Variants in ZBTB43 observed in about 807,000 individuals in gnomAD.
The protein encoded by ZBTB43 is zinc finger and BTB domain containing 43, also known as zinc finger and BTB domain-containing protein 43.
In ZBTB43, 6 loss-of-function variants were observed where a neutral mutation model predicts 31.1. That is an observed-to-expected ratio of 0.19 (90% CI 0.11 to 0.38). The LOEUF (loss-of-function observed/expected upper bound fraction) is 0.38, where lower values mean the gene tolerates loss of function less well. ZBTB43 is among the 10% of genes least tolerant of loss of function. The probability of loss-of-function intolerance (pLI) is 1.00; values close to 1 mark genes in which losing one functional copy is unlikely to be tolerated. For missense variants in ZBTB43, 379 were observed against 602.1 expected, an observed-to-expected ratio of 0.63 and a Z score of 3.88; for synonymous variants, 212 against 221.7, an observed-to-expected ratio of 0.96 and a Z score of 0.39.
At chr9:126,820,616 C>G (rs1334692866) in intron 2 of ZBTB43, among the ~76,000 whole-genome samples, 2 of 152,122 alleles carry the variant, frequency 1.3e-5, no homozygotes, top group East Asian at 3.8e-4. Context: ...AATACAACAT[C>G]CATTCTGCAG....
intron 2 of ZBTB43, among the ~76,000 whole-genome samples, chr9:126,817,399 C>A (rs938433312): frequency 4.6e-5 from 7 of 151,996 alleles, no homozygotes; most frequent in African/African-American, 1.5e-4. Context: ...GCATGAGCCA[C>A]CATGCCCGGC....
At chr9:126,817,645 A>G (rs370394614) in intron 2 of ZBTB43, among the ~76,000 whole-genome samples, 11 of 150,960 alleles carry the variant, frequency 7.3e-5, no homozygotes, top group African/African-American at 2.4e-4. Context: ...CCGGCTAATT[A>G]TTTTATATTT....
intron 1 of ZBTB43, among the ~76,000 whole-genome samples, chr9:126,805,808 G>T (rs1376324265): frequency 2.0e-5 from 3 of 152,152 alleles, no homozygotes; most frequent in Non-Finnish European, 2.9e-5. Flanking sequence ...CCATCTGTCT[G>T]TTTCTCTCTT....
rs575753623 is a variant in ZBTB43, at chr9:126,817,963, A to G, written c.-24+9048A>G. 3.3e-5 allele frequency among the ~76,000 whole-genome samples: 5 copies of G among 152,280 alleles called. No homozygotes were observed. The South Asian group carries it at 1.0e-3, about 32-fold the overall frequency. On this transcript the variant is annotated intron_variant, in intron 2 of 2. Coordinates refer to ENST00000373464, the MANE Select transcript of ZBTB43 (RefSeq NM_014007.4). ...CCATATTCACCCAAAGTTAAGGGCAAGGATTTTTGATAGGGCTTGGTTTGA... is the reference window on the plus strand; with the variant it reads ...CCATATTCACCCAAAGTTAAGGGCAGGGATTTTTGATAGGGCTTGGTTTGA...
chr9:126,819,144 G>A (rs192072266), intron 2 of ZBTB43, among the ~76,000 whole-genome samples: 1 of 152,156 alleles, frequency 6.6e-6, no homozygotes, highest in Admixed American at 6.5e-5. Flanking sequence ...TTTTTAAAAA[G>A]ACTCAGTCTT....
intron 2 of ZBTB43, among the ~76,000 whole-genome samples, chr9:126,815,049 G>T (rs1055544755): frequency 6.6e-6 from 1 of 151,450 alleles, no homozygotes; most frequent in Non-Finnish European, 1.5e-5. Flanking sequence ...CCTTGCTGTA[G>T]TTTTTTTCAT....
At chr9:126,804,089 AAG>A (rs2032072364), upstream of ZBTB43, among the ~76,000 whole-genome samples, 1 of 152,154 alleles carries the variant, frequency 6.6e-6, no homozygotes, top group South Asian at 2.1e-4. Context: ...TTCTTCTACA[AAG>A]AGGGCACTTG....
At chr9:126,816,113 AT>A (rs1421572049) in intron 2 of ZBTB43, among the ~76,000 whole-genome samples, 3 of 152,088 alleles carry the variant, frequency 2.0e-5, no homozygotes, top group African/African-American at 7.2e-5. Flanking sequence ...CTTCAATTAA[AT>A]TTATTTTTTA....
chr9:126,810,020 A>G (rs978255143), intron 2 of ZBTB43, among the ~76,000 whole-genome samples: 1 of 151,966 alleles, frequency 6.6e-6, no homozygotes, highest in Non-Finnish European at 1.5e-5. Flanking sequence ...TATTTTTAGT[A>G]GAGATGGGGT....
chr9:126,815,384 T>C (rs2032361169), intron 2 of ZBTB43, among the ~76,000 whole-genome samples: 1 of 148,230 alleles, frequency 6.7e-6, no homozygotes, highest in South Asian at 2.1e-4. Context: ...AGTTTTCATG[T>C]GTCTGATAGC....
At chr9:126,806,212 T>C (rs1051868912) in intron 1 of ZBTB43, among the ~76,000 whole-genome samples, 3 of 152,180 alleles carry the variant, frequency 2.0e-5, no homozygotes, top group Non-Finnish European at 4.4e-5. Context: ...GTCTACAGGC[T>C]AAGAAAGGAT....
At chr9:126,827,572 A>G (rs1275102541) in intron 2 of ZBTB43, among the ~76,000 whole-genome samples, 1 of 152,104 alleles carries the variant, frequency 6.6e-6, no homozygotes, top group East Asian at 1.9e-4. Flanking sequence ...TGAAATCGTG[A>G]TTTTGATCAT....
intron 2 of ZBTB43, among the ~76,000 whole-genome samples, chr9:126,828,663 T>C (rs1251977785): frequency 6.9e-6 from 1 of 145,908 alleles, no homozygotes; most frequent in East Asian, 2.0e-4. Flanking sequence ...TAATTATTAT[T>C]ATTATTATTA....
intron 2 of ZBTB43, among the ~76,000 whole-genome samples, chr9:126,809,118 TA>T (rs1162424742): frequency 2.0e-5 from 3 of 152,250 alleles, no homozygotes; most frequent in Admixed American, 6.5e-5. Context: ...TAATGTCAGA[TA>T]AATTTTTCTG....
At chr9:126,829,780 A>T (rs1375489033) in intron 2 of ZBTB43, among the ~76,000 whole-genome samples, 1 of 152,186 alleles carries the variant, frequency 6.6e-6, no homozygotes, top group African/African-American at 2.4e-5. Context: ...GCTAAAAGCA[A>T]AATTCTACAG....
chr9:126,824,882 G>T (rs1028795404), intron 2 of ZBTB43, among the ~76,000 whole-genome samples: 1 of 152,032 alleles, frequency 6.6e-6, no homozygotes, highest in Admixed American at 6.6e-5. Context: ...TCTACTTCTG[G>T]AACTCCCATG....
chr9:126,805,055 G>C lies in ZBTB43; in HGVS notation c.-224G>C, dbSNP rs982853343. 5.9e-5 allele frequency: 9 copies of C among 152,452 alleles called. No homozygotes were observed. The highest frequency in any genetic ancestry group is 2.2e-4 in the African/African-American group (9 of 41,486). 9.4% of individuals were successfully genotyped at this position (152,452 alleles called of 1,614,324 possible). A position where few individuals can be genotyped will look rare whatever the true frequency, so the allele number is the denominator to read the frequency against. ...GGCACAGGCTGAATCTGTTGCGGCA[G>C]CTGAGGCTACAACAGGCCTGCGCCG... On this transcript the variant is annotated 5_prime_UTR_variant, in exon 1 of 3. Transcript: ENST00000373464.
Position 126,833,063 on chromosome 9 carries a change from T to C in ZBTB43, c.554T>C (p.Leu185Pro). 6.2e-7 allele frequency: 1 copy of C among 1,614,010 alleles called. No individual in the cohort carries two copies. The highest frequency in any genetic ancestry group is 1.1e-5 in the South Asian group (1 of 91,078). Residue 185 changes from leucine to proline, a missense_variant, in exon 3 of 3, where the codon CTG becomes CCG. Coordinates refer to ENST00000373464, the MANE Select transcript of ZBTB43 (RefSeq NM_014007.4). This position sits in a 1 kb window ranked among gnomAD's most constrained non-coding sequence, Gnocchi z 7.9. ...ENEEESTKDE[L>P]SSQLTEHEYL... ...GAAGAGGAGAGCACCAAAGACGAGC[T>C]GTCATCCCAGCTCACCGAGCACGAA...
Position 126,835,713 on chromosome 9 carries a change from T to C in ZBTB43, c.*1800T>C, listed in dbSNP as rs2032864351. On this transcript the variant is annotated 3_prime_UTR_variant, in exon 3 of 3. Coordinates refer to ENST00000373464, the MANE Select transcript of ZBTB43 (RefSeq NM_014007.4). ...GCACTTTGTATTTAAAACTTTATTA[T>C]AAATATATATATATATTGTTTTTTT... The C allele has an allele frequency of 6.0e-6, 1 of 165,724 alleles. No individual in the cohort carries two copies. The highest frequency in any genetic ancestry group is 1.5e-5 in the Non-Finnish European group (1 of 68,020). 10.3% of individuals were successfully genotyped at this position (165,724 alleles called of 1,614,324 possible). A position where few individuals can be genotyped will look rare whatever the true frequency, so the allele number is the denominator to read the frequency against.
Sources: allele counts gnomAD v4.1 joint callset (sites outside exome capture counted in the v4.1 genomes callset), GRCh38; gene constraint gnomAD v4.1.1; non-coding constraint Gnocchi (gnomAD v3.1); transcripts MANE v1.5; gene names NCBI Gene and HGNC (gene_info 2026-07-23, HGNC 2026-07-21).